The following KCNU1 variants were observed in gnomAD, a reference collection of about 807,000 sequenced individuals.
KCNU1 encodes potassium channel subfamily U member 1.
Under a neutral mutation model 126.8 loss-of-function variants are expected in KCNU1, and 93 were observed. That is an observed-to-expected ratio of 0.73 (90% CI 0.62 to 0.87). The LOEUF (loss-of-function observed/expected upper bound fraction) is 0.87, where lower values mean the gene tolerates loss of function less well. KCNU1 is among the 40% of genes least tolerant of loss of function. KCNU1 has a pLI of 0.00. For missense variants in KCNU1, 1,330 were observed against 1,367.1 expected (o/e 0.97, Z 0.43); for synonymous variants, 523 against 494.2 (o/e 1.06, Z -0.77).
intron 19 of KCNU1, among the ~76,000 whole-genome samples, chr8:36,875,288 T>C (rs1230108479): frequency 6.6e-6 from 1 of 151,032 alleles, no homozygotes; most frequent in African/African-American, 2.4e-5. Flanking sequence ...AAATCACATG[T>C]ATGTGTGTGT....
chr8:36,887,452 G>GTTTTTTTTTTTT (rs138240609), intron 19 of KCNU1, among the ~76,000 whole-genome samples: 5 of 99,284 alleles, frequency 5.0e-5, no homozygotes, highest in East Asian at 5.4e-4. Context: ...GTTTTTTTTT[G>GTTTTTTTTTTTT]TTTTTTTTTT....
At chr8:36,910,817 G>A in intron 21 of KCNU1, 113 bp from the exon 22 acceptor site, 1 of 658,386 alleles carries the variant, frequency 1.5e-6, no homozygotes. Flanking sequence ...AGTCAGCAAA[G>A]GTTGGAGCTC....
intron 7 of KCNU1, among the ~76,000 whole-genome samples, chr8:36,810,257 A>AT (rs1417289064): frequency 6.6e-6 from 1 of 151,836 alleles, no homozygotes; most frequent in African/African-American, 2.4e-5. Context: ...TCTCAAAAAA[A>AT]AAAAAAAGTA....
intron 24 of KCNU1, 148 bp downstream of exon 24, chr8:36,922,777 A>G: frequency 1.2e-6 from 1 of 862,830 alleles, no homozygotes; most frequent in Non-Finnish European, 1.7e-6. Flanking sequence ...ACATTAATTT[A>G]TCTTTTCTCA....
At chr8:36,872,111 T>C (rs922420389) in intron 19 of KCNU1, among the ~76,000 whole-genome samples, 25 of 152,312 alleles carry the variant, frequency 1.6e-4, no homozygotes, top group African/African-American at 6.0e-4. Flanking sequence ...TCATCATCTT[T>C]CTCAGGGGCT....
intron 2 of KCNU1, among the ~76,000 whole-genome samples, chr8:36,798,524 A>C (rs1041706342): frequency 4.6e-5 from 7 of 152,180 alleles, no homozygotes; most frequent in African/African-American, 1.7e-4. Flanking sequence ...AACTTAACTA[A>C]GAGTCCAGCA....
chr8:36,811,208 G>A (rs1351679331), intron 7 of KCNU1, among the ~76,000 whole-genome samples: 2 of 152,090 alleles, frequency 1.3e-5, no homozygotes, highest in Admixed American at 1.3e-4. Context: ...GGGTATTACA[G>A]AAAATAGCAC....
chr8:36,830,601 G>A (rs78396730), intron 10 of KCNU1, among the ~76,000 whole-genome samples: 1 of 151,778 alleles, frequency 6.6e-6, no homozygotes, highest in Non-Finnish European at 1.5e-5. Flanking sequence ...TGAGATTATG[G>A]GTTGCTTTAA....
intron 9 of KCNU1, among the ~76,000 whole-genome samples, chr8:36,816,107 T>G (rs1055168196): frequency 1.5e-5 from 2 of 131,930 alleles, no homozygotes; most frequent in African/African-American, 3.0e-5. Flanking sequence ...TAAAATAATT[T>G]AGTTCAGTTG....
intron 14 of KCNU1, among the ~76,000 whole-genome samples, chr8:36,837,810 G>A (rs1027452912): frequency 3.9e-5 from 6 of 152,182 alleles, no homozygotes; most frequent in African/African-American, 9.6e-5. Flanking sequence ...TTTCTAAAGT[G>A]CTTGCAGAGA....
intron 25 of KCNU1, among the ~76,000 whole-genome samples, chr8:36,931,952 T>C (rs1356212762): frequency 6.6e-6 from 1 of 152,132 alleles, no homozygotes; most frequent in Admixed American, 6.6e-5. Context: ...TACTTGTCAT[T>C]GTGGTGCCTT....
intron 18 of KCNU1, among the ~76,000 whole-genome samples, chr8:36,857,124 G>A (rs969216981): frequency 1.3e-5 from 2 of 152,200 alleles, no homozygotes; most frequent in African/African-American, 4.8e-5. Context: ...TGACACACCT[G>A]TTTTATGAGT....
chr8:36,837,046 A>G (rs1405668022), intron 14 of KCNU1, 101 bp downstream of exon 14: 6 of 1,116,338 alleles, frequency 5.4e-6, no homozygotes, highest in Non-Finnish European at 7.9e-6. Flanking sequence ...CAAGGCCCCA[A>G]GCAATGAGAT....
At chr8:36,830,137 A>G (rs1804477826) in intron 10 of KCNU1, among the ~76,000 whole-genome samples, 1 of 150,192 alleles carries the variant, frequency 6.7e-6, no homozygotes. Context: ...GTAAATCTTT[A>G]TAAATAAAAT....
chr8:36,817,570 C>T lies in KCNU1; in HGVS notation c.996-80C>T, dbSNP rs573626211. Reference sequence around the variant, plus strand: ...ATATTTATTGGAAACTAAGTTTAAGCCAATTATTTATCTCTAAATGCTGAC... The same window carrying T: ...ATATTTATTGGAAACTAAGTTTAAGTCAATTATTTATCTCTAAATGCTGAC... On this transcript the variant is annotated intron_variant, in intron 9 of 26. Coordinates refer to ENST00000399881, the MANE Select transcript of KCNU1 (RefSeq NM_001031836.3). 155 of 659,714 alleles carry T rather than the reference C, an allele frequency of 2.3e-4. No individual in the cohort carries two copies. In the African/African-American group the frequency reaches 2.6e-3, roughly 11 times the overall value. The allele number at this position is 659,714 out of a possible 1,614,324, so 40.9% of individuals were successfully genotyped here. A position where few individuals can be genotyped will look rare whatever the true frequency, so the allele number is the denominator to read the frequency against.
intron 24 of KCNU1, among the ~76,000 whole-genome samples, chr8:36,927,605 G>A (rs1389953567): frequency 6.6e-6 from 1 of 152,120 alleles, no homozygotes; most frequent in East Asian, 1.9e-4. Flanking sequence ...GAGATTAGAA[G>A]TATTTCCCAA....
intron 19 of KCNU1, among the ~76,000 whole-genome samples, chr8:36,879,705 A>T (rs1381715549): frequency 6.6e-6 from 1 of 152,178 alleles, no homozygotes; most frequent in Non-Finnish European, 1.5e-5. Flanking sequence ...AAAAATTAGT[A>T]CAAAGCAAAG....
intron 20 of KCNU1, among the ~76,000 whole-genome samples, chr8:36,906,472 C>T (rs1333171273): frequency 6.6e-6 from 1 of 152,050 alleles, no homozygotes; most frequent in African/African-American, 2.4e-5. Context: ...TTTCTAGATG[C>T]CCACCTACTG....
intron 19 of KCNU1, among the ~76,000 whole-genome samples, chr8:36,875,880 T>A (rs2117379795): frequency 6.6e-6 from 1 of 152,320 alleles, no homozygotes; most frequent in Admixed American, 6.5e-5. Flanking sequence ...AATCCCTGGT[T>A]TCAGCTGTTG....
Sources: allele counts gnomAD v4.1 joint callset (sites outside exome capture counted in the v4.1 genomes callset), GRCh38; gene constraint gnomAD v4.1.1; transcripts MANE v1.5; gene names NCBI Gene and HGNC (gene_info 2026-07-23, HGNC 2026-07-21).